The following ADAMTSL1 variants were observed in gnomAD, a reference collection of about 807,000 sequenced individuals.
ADAMTSL1 encodes the protein ADAMTS-like protein 1.
ADAMTSL1 carries 126 observed loss-of-function variants against 201.8 expected under a neutral mutation model. The ratio of observed to expected loss-of-function variants is 0.62; its 90% CI spans 0.54 to 0.72. ADAMTSL1 has a LOEUF of 0.72. Among genes scored for constraint, ADAMTSL1 ranks in the 30% least tolerant of loss-of-function variants. ADAMTSL1 has a pLI of 0.00. For synonymous variants in ADAMTSL1, 1,121 were observed against 903.4 expected (o/e 1.24, Z -4.32); for missense variants, 2,679 against 2,277.8 (o/e 1.18, Z -3.59).
rs989416030 is a variant in ADAMTSL1 at position 18,597,087 on chromosome 9, C to T, written c.474+22821C>T. ...TCTTTAGTTTCTTTATATTATGTTGCTCAATATGACTGCCACAGCATGGAT... is the reference window on the plus strand; with the variant it reads ...TCTTTAGTTTCTTTATATTATGTTGTTCAATATGACTGCCACAGCATGGAT... On this transcript the variant is annotated intron_variant, in intron 4 of 28. Transcript: ENST00000380548. 3.2e-4 allele frequency among the ~76,000 whole-genome samples: 49 copies of T among 152,276 alleles called. 1 individual carries two copies. The highest frequency in any genetic ancestry group is 1.2e-3 in the African/African-American group (48 of 41,558).
chr9:17,952,828 C>T (rs902968503), intron 1 of ADAMTSL1, among the ~76,000 whole-genome samples: 4 of 152,126 alleles, frequency 2.6e-5, no homozygotes, highest in Admixed American at 2.0e-4. Context: ...TGCCCAGCCA[C>T]TACCATGTTT....
chr9:18,349,637 T>G (rs1353102103), intron 2 of ADAMTSL1, among the ~76,000 whole-genome samples: 1 of 152,168 alleles, frequency 6.6e-6, no homozygotes, highest in Non-Finnish European at 1.5e-5. Context: ...TTTTCTAGTT[T>G]CCCTGAATCC....
chr9:18,552,880 C>A (rs773571714), intron 3 of ADAMTSL1, among the ~76,000 whole-genome samples: 4 of 151,402 alleles, frequency 2.6e-5, no homozygotes, highest in Non-Finnish European at 5.9e-5. Context: ...TTTTCTACTC[C>A]TTTACTTTCC....
intron 1 of ADAMTSL1, among the ~76,000 whole-genome samples, chr9:18,008,586 G>T (rs1819925312): frequency 6.6e-6 from 1 of 151,828 alleles, no homozygotes; most frequent in East Asian, 2.0e-4. Flanking sequence ...TAGGCAGTGG[G>T]AATTTGCTCA....
chr9:18,050,398 C>T (rs1821879325), intron 1 of ADAMTSL1, among the ~76,000 whole-genome samples: 1 of 151,936 alleles, frequency 6.6e-6, no homozygotes, highest in Admixed American at 6.6e-5. Context: ...AATATGCTAC[C>T]TTCCAAAAGT....
intron 4 of ADAMTSL1, among the ~76,000 whole-genome samples, chr9:18,614,507 G>C (rs1213683393): frequency 5.3e-5 from 8 of 152,280 alleles, no homozygotes. Flanking sequence ...AGAATTGTGT[G>C]AGAAGCTATG....
At chr9:18,252,726 A>G (rs1831514042) in intron 2 of ADAMTSL1, among the ~76,000 whole-genome samples, 1 of 152,144 alleles carries the variant, frequency 6.6e-6, no homozygotes, top group African/African-American at 2.4e-5. Context: ...TACTAGCAAA[A>G]CTTCAAGAGT....
intron 2 of ADAMTSL1, among the ~76,000 whole-genome samples, chr9:18,438,267 A>G (rs1276317167): frequency 6.6e-6 from 1 of 151,634 alleles, no homozygotes; most frequent in East Asian, 1.9e-4. Context: ...AAATAGAGGG[A>G]GAGAAAGACT....
At chr9:18,273,714 C>T (rs528833717) in intron 2 of ADAMTSL1, among the ~76,000 whole-genome samples, 1 of 152,296 alleles carries the variant, frequency 6.6e-6, no homozygotes, top group African/African-American at 2.4e-5. Flanking sequence ...AGATTCATTT[C>T]ACTCACAATG....
intron 2 of ADAMTSL1, among the ~76,000 whole-genome samples, chr9:18,250,771 G>A (rs1199189642): frequency 2.0e-5 from 3 of 152,118 alleles, no homozygotes; most frequent in Admixed American, 6.6e-5. Flanking sequence ...TCCACACCCC[G>A]CTCCATGTTC....
intron 1 of ADAMTSL1, among the ~76,000 whole-genome samples, chr9:17,919,688 T>G (rs753208824): frequency 1.3e-5 from 2 of 152,170 alleles, no homozygotes; most frequent in Non-Finnish European, 2.9e-5. Context: ...TTCCATTGTA[T>G]GAATATAACA....
chr9:18,680,360 C>T lies in ADAMTSL1; in HGVS notation c.1185C>T (p.Gly395=), dbSNP rs1830392252. 1 of 1,614,052 alleles carries T rather than the reference C, an allele frequency of 6.2e-7. No individual in the cohort carries two copies. The highest frequency in any genetic ancestry group is 8.5e-7 in the Non-Finnish European group (1 of 1,180,014). Residue 395 remains glycine, a synonymous_variant, in exon 11 of 29, where the codon GGC becomes GGT. Transcript: ENST00000380548. ...CGTGCTCCTCCTCGTGTGGGGGGGG[C>T]ATCCAGAGCCGGGCAGTTTCCTGTG... ...WTACSSSCGG[G]IQSRAVSCVE...
chr9:17,996,072 A>C (rs1819366976), intron 1 of ADAMTSL1, among the ~76,000 whole-genome samples: 1 of 152,006 alleles, frequency 6.6e-6, no homozygotes, highest in South Asian at 2.1e-4. Flanking sequence ...AATACTACTA[A>C]TATTTTTATC....
Position 18,893,907 on chromosome 9 carries a change from C to T in ADAMTSL1, c.4851+1311C>T, listed in dbSNP as rs146069807. ...CACCTTCTTAGCTCCAACAATCTGG[C>T]TTCATGTAATAATTCAGCTTTCTCC... is the stretch of plus-strand genomic sequence containing the variant. On this transcript the variant is annotated intron_variant, in intron 26 of 28. Transcript: ENST00000380548. 1.3e-3 allele frequency among the ~76,000 whole-genome samples: 196 copies of T among 152,364 alleles called. 2 individuals carry two copies. Among genetic ancestry groups the T allele is most frequent in the Non-Finnish European group, 2.3e-3 (158 of 68,032 alleles).
chr9:18,412,061 A>C (rs1407256891), intron 2 of ADAMTSL1, among the ~76,000 whole-genome samples: 1 of 152,202 alleles, frequency 6.6e-6, no homozygotes, highest in Non-Finnish European at 1.5e-5. Flanking sequence ...CTTGTCAGGG[A>C]AACTGGGTCA....
At chr9:18,422,128 T>C (rs954669007) in intron 2 of ADAMTSL1, among the ~76,000 whole-genome samples, 16 of 152,292 alleles carry the variant, frequency 1.1e-4, no homozygotes, top group African/African-American at 3.8e-4. Flanking sequence ...AAAATCTCCC[T>C]GGTGATTTTC....
intron 1 of ADAMTSL1, among the ~76,000 whole-genome samples, chr9:18,124,004 C>G (rs554679909): frequency 6.7e-6 from 1 of 149,478 alleles, no homozygotes; most frequent in Non-Finnish European, 1.5e-5. Flanking sequence ...GAAATGGTAT[C>G]TCATTGTGGT....
chr9:17,989,786 C>T (rs776527029), intron 1 of ADAMTSL1, among the ~76,000 whole-genome samples: 1 of 151,214 alleles, frequency 6.6e-6, no homozygotes, highest in Non-Finnish European at 1.5e-5. Flanking sequence ...GTTTGTTGGA[C>T]ATTGACATTT....
chr9:18,655,819 A>AAAAAATAAAAATAAAAAT (rs1564123603), intron 7 of ADAMTSL1, among the ~76,000 whole-genome samples: 8 of 101,044 alleles, frequency 7.9e-5, no homozygotes, highest in Non-Finnish European at 2.0e-4. Context: ...AAAAAAAAAA[A>AAAAAATAAAAATAAAAAT]AAAAAAAAAA....
Sources: allele counts gnomAD v4.1 joint callset (sites outside exome capture counted in the v4.1 genomes callset), GRCh38; gene constraint gnomAD v4.1.1; transcripts MANE v1.5; gene names NCBI Gene and HGNC (gene_info 2026-07-23, HGNC 2026-07-21).